Variants in PHF24 observed in about 807,000 individuals in gnomAD.
PHF24 encodes the protein PHD finger protein 24.
PHF24 carries 25 observed loss-of-function variants against 42.6 expected under a neutral mutation model. That is an observed-to-expected ratio of 0.59 (90% CI 0.43 to 0.82). The LOEUF is 0.82. Among genes scored for constraint, PHF24 ranks in the 40% least tolerant of loss-of-function variants. The pLI, the probability that PHF24 is intolerant of heterozygous loss-of-function variation, is 0.00. For missense variants in PHF24, 470 were observed against 538.1 expected (o/e 0.87, Z 1.25); for synonymous variants, 185 against 204.8 (o/e 0.90, Z 0.83).
chr9:34,785,521 T>C, the PHF24 span, among the ~76,000 whole-genome samples: 2 of 152,224 alleles, frequency 1.3e-5, no homozygotes, highest in South Asian at 4.1e-4. Context: ...GAAGTCTCTG[T>C]GTAACTGAAG....
chr9:34,977,672 T>C, intron 7 of PHF24, 31 bp downstream of exon 7: 1 of 1,522,230 alleles, frequency 6.6e-7, no homozygotes, highest in African/African-American at 1.4e-5. Context: ...TGGCCATTTG[T>C]ACCCTCTGAA....
the PHF24 span, among the ~76,000 whole-genome samples, chr9:34,878,723 G>A: frequency 7.9e-5 from 12 of 152,220 alleles, no homozygotes; most frequent in Admixed American, 4.6e-4. Context: ...TAGAAAGCTC[G>A]AAATGGGTGG....
At chr9:34,685,533 T>G in the PHF24 span, among the ~76,000 whole-genome samples, 1 of 152,192 alleles carries the variant, frequency 6.6e-6, no homozygotes, top group Non-Finnish European at 1.5e-5. Flanking sequence ...TCTAGCAAGC[T>G]GAGCTTTTCT....
the PHF24 span, among the ~76,000 whole-genome samples, chr9:34,774,785 A>C: frequency 1.8e-4 from 28 of 152,264 alleles, no homozygotes; most frequent in African/African-American, 1.2e-4. Context: ...CACATACACA[A>C]AAAAAAGCCA....
At chr9:34,874,056 A>T in the PHF24 span, among the ~76,000 whole-genome samples, 1 of 152,140 alleles carries the variant, frequency 6.6e-6, no homozygotes, top group Non-Finnish European at 1.5e-5. Flanking sequence ...GTATCCTGAG[A>T]CTTTGCTGAA....
At chr9:34,833,221 A>G in the PHF24 span, 2 of 1,545,146 alleles carry the variant, frequency 1.3e-6, no homozygotes, top group Non-Finnish European at 1.7e-6. Flanking sequence ...TTTGAGGCTC[A>G]GGGCCACAGG....
chr9:34,689,906 A>G, the PHF24 span: 2 of 1,613,902 alleles, frequency 1.2e-6, no homozygotes, highest in East Asian at 2.2e-5. This position sits in a 1 kb window ranked among gnomAD's most constrained non-coding sequence, Gnocchi z 4.1. Flanking sequence ...GGGAGGAGAC[A>G]GGGCCAGGGA....
At chr9:34,806,329 C>T in the PHF24 span, among the ~76,000 whole-genome samples, 31 of 152,236 alleles carry the variant, frequency 2.0e-4, no homozygotes, top group Admixed American at 2.0e-3. Context: ...TTAATGATGT[C>T]TTCCAACCCA....
At chr9:34,926,445 C>T in the PHF24 span, among the ~76,000 whole-genome samples, 23 of 152,124 alleles carry the variant, frequency 1.5e-4, no homozygotes, top group Non-Finnish European at 2.9e-5. The surrounding 1 kb of genome is among the most constrained non-coding windows in gnomAD (Gnocchi z 4.3). Flanking sequence ...AGGGATACAC[C>T]TGATGGGGTG....
the PHF24 span, among the ~76,000 whole-genome samples, chr9:34,918,597 G>A: frequency 7.2e-5 from 11 of 152,102 alleles, no homozygotes; most frequent in Admixed American, 5.9e-4. Context: ...GACAGAGGAA[G>A]AAAAATTCTT....
At chr9:34,725,883 C>G in the PHF24 span, 1 of 1,552,124 alleles carries the variant, frequency 6.4e-7, no homozygotes, top group Non-Finnish European at 8.7e-7. Flanking sequence ...TTGGGGAGGC[C>G]TTGAGATCCC....
the PHF24 span, among the ~76,000 whole-genome samples, chr9:34,881,712 A>G: frequency 1.3e-5 from 2 of 152,228 alleles, no homozygotes; most frequent in Non-Finnish European, 2.9e-5. Context: ...AATTGAGGCA[A>G]TAATTAATAG....
upstream of PHF24, chr9:34,957,601 A>G (rs967976956): frequency 6.6e-6 from 1 of 152,270 alleles, no homozygotes; most frequent in Non-Finnish European, 1.5e-5. Context: ...TGAAAAACCA[A>G]TAATCCCAGA....
At chr9:34,924,640 C>A in the PHF24 span, among the ~76,000 whole-genome samples, 3 of 152,062 alleles carry the variant, frequency 2.0e-5, no homozygotes, top group African/African-American at 7.2e-5. Context: ...TTTTTCCATT[C>A]CTTTATTTTC....
At chr9:34,686,268 C>T in the PHF24 span, among the ~76,000 whole-genome samples, 2 of 152,232 alleles carry the variant, frequency 1.3e-5, no homozygotes, top group Admixed American at 6.5e-5. Context: ...TCTGAGTTTC[C>T]CGTAGCCTAG....
chr9:34,719,318 C>G, the PHF24 span, among the ~76,000 whole-genome samples: 3 of 152,202 alleles, frequency 2.0e-5, no homozygotes, highest in African/African-American at 7.2e-5. Context: ...GGATTATAGG[C>G]GGGAGCCACA....
At chr9:34,724,346 A>G in the PHF24 span, 20 of 1,551,112 alleles carry the variant, frequency 1.3e-5, no homozygotes, top group Non-Finnish European at 1.7e-5. Context: ...GTCATTGGCC[A>G]GCTGTTCTTT....
At chr9:34,773,232 C>A in the PHF24 span, among the ~76,000 whole-genome samples, 10 of 152,204 alleles carry the variant, frequency 6.6e-5, no homozygotes, top group East Asian at 1.9e-3. Flanking sequence ...TCAGGTGATC[C>A]GCCCATCTTG....
the PHF24 span, chr9:34,709,118 T>C: frequency 5.5e-6 from 3 of 543,374 alleles, no homozygotes. Context: ...ATGATTCTCC[T>C]TCAAGGGGAC....
Sources: gnomAD v4.1 joint callset for allele counts (sites outside exome capture counted in the v4.1 genomes callset) on GRCh38, gnomAD v4.1.1 for gene constraint, Gnocchi (gnomAD v3.1) non-coding constraint, MANE v1.5 for transcripts, NCBI Gene and HGNC (gene_info 2026-07-23, HGNC 2026-07-21) for gene names.